Variants in CALN1 observed in about 807,000 individuals in gnomAD.
The protein encoded by CALN1 is calneuron 1, also known as calcium-binding protein 8.
CALN1 carries 17 observed loss-of-function variants against 30.6 expected under a neutral mutation model. The observed-to-expected ratio is 0.56, with a 90% CI of 0.38 to 0.83. The LOEUF (loss-of-function observed/expected upper bound fraction) is 0.83. Ranked by LOEUF, CALN1 falls within the 40% of genes least tolerant of loss-of-function variation. The pLI, the probability that CALN1 is intolerant of heterozygous loss-of-function variation, is 0.00. For missense variants in CALN1, 291 were observed against 354.9 expected (o/e 0.82, Z 1.45); for synonymous variants, 156 against 131.4 (o/e 1.19, Z -1.28).
intron 2 of CALN1, among the ~76,000 whole-genome samples, chr7:72,373,336 T>G (rs1012999171): frequency 1.2e-4 from 18 of 152,178 alleles, no homozygotes; most frequent in African/African-American, 4.1e-4. Context: ...GAAAAAATAT[T>G]TTAAGACATA....
intron 2 of CALN1, among the ~76,000 whole-genome samples, chr7:72,339,001 TAG>T (rs1417158616): frequency 1.5e-5 from 2 of 131,482 alleles, no homozygotes; most frequent in Non-Finnish European, 3.1e-5. Flanking sequence ...TAACCACTGG[TAG>T]ATTCTCTATG....
At chr7:72,322,927 G>A (rs1033646306) in intron 2 of CALN1, among the ~76,000 whole-genome samples, 10 of 149,576 alleles carry the variant, frequency 6.7e-5, no homozygotes, top group African/African-American at 2.5e-4. Flanking sequence ...CTATAAATAT[G>A]TACCCACAAA....
chr7:71,935,543 T>C (rs751923228), intron 5 of CALN1, among the ~76,000 whole-genome samples: 29 of 152,190 alleles, frequency 1.9e-4, no homozygotes, highest in Non-Finnish European at 3.5e-4. Flanking sequence ...GCCAACATGG[T>C]GAAACCCTGT....
rs76098375 is a variant in CALN1 at position 72,309,994 on chromosome 7, C to T, written c.120-31184G>A. 7.0e-3 allele frequency among the ~76,000 whole-genome samples: 1,058 copies of T among 152,216 alleles called. 9 individuals are homozygous for T. Among genetic ancestry groups the T allele is most frequent in the African/African-American group, 0.023 (946 of 41,528 alleles). On this transcript the variant is annotated intron_variant, in intron 2 of 6. Transcript: ENST00000395275. ...GCACTGCACCCTGTTCACATCGGTC[C>T]GCCAGCATCCCCCAGGGATGCCCCC...
At chr7:72,424,185 C>T (rs1403183744) in intron 1 of CALN1, among the ~76,000 whole-genome samples, 1 of 152,108 alleles carries the variant, frequency 6.6e-6, no homozygotes, top group Non-Finnish European at 1.5e-5. Flanking sequence ...CAACCCTGCC[C>T]TCAGTCTCAG....
At chr7:72,134,331 T>C (rs1207646621) in intron 3 of CALN1, among the ~76,000 whole-genome samples, 1 of 152,172 alleles carries the variant, frequency 6.6e-6, no homozygotes, top group African/African-American at 2.4e-5. Context: ...TTATAGCAGC[T>C]CCAAAGGACT....
chr7:72,391,551 T>C (rs995864061), intron 2 of CALN1, among the ~76,000 whole-genome samples: 7 of 152,176 alleles, frequency 4.6e-5, no homozygotes, highest in African/African-American at 7.2e-5. Context: ...AATCTCATCT[T>C]GAATTGTAGC....
chr7:71,816,666 T>G (rs1788280733), intron 5 of CALN1, among the ~76,000 whole-genome samples: 1 of 152,092 alleles, frequency 6.6e-6, no homozygotes, highest in South Asian at 2.1e-4. Context: ...TCTATAGTTT[T>G]GGGCCAGGTG....
chr7:72,487,910 GA>G, the CALN1 span, among the ~76,000 whole-genome samples: 5 of 70,686 alleles, frequency 7.1e-5, no homozygotes, highest in Non-Finnish European at 1.1e-4. Context: ...AAGAAAGAAA[GA>G]AAGAAAGAAG....
At chr7:71,989,678 G>A (rs1215072839) in intron 5 of CALN1, among the ~76,000 whole-genome samples, 1 of 152,108 alleles carries the variant, frequency 6.6e-6, no homozygotes, top group Non-Finnish European at 1.5e-5. Context: ...CCGGGGCGAG[G>A]GTTGGAGGGG....
rs189044894 is a variant in CALN1, at chr7:72,060,996, T to C, written c.389-37227A>G. Among the ~76,000 whole-genome samples, 8 of 152,226 alleles carry C rather than the reference T, an allele frequency of 5.3e-5. No individual in the cohort carries two copies. In the East Asian group the frequency reaches 1.2e-3, roughly 22 times the overall value. On this transcript the variant is annotated intron_variant, in intron 4 of 6. Transcript: ENST00000395275. ...CAACAACTAACTCAATGGGACAAAA[T>C]ACTACACAGCTCCCAGAATGGCCAA...
chr7:72,120,676 G>A (rs559320682), intron 3 of CALN1, among the ~76,000 whole-genome samples: 111 of 152,080 alleles, frequency 7.3e-4, no homozygotes, highest in Non-Finnish European at 1.4e-3. Flanking sequence ...TGAATTTCAG[G>A]CACAGAAATA....
intron 1 of CALN1, among the ~76,000 whole-genome samples, chr7:72,408,100 A>T (rs1366526067): frequency 6.6e-6 from 1 of 152,054 alleles, no homozygotes; most frequent in Non-Finnish European, 1.5e-5. Flanking sequence ...ACACACATTT[A>T]ATCAATGCCA....
the CALN1 span, among the ~76,000 whole-genome samples, chr7:72,486,878 C>T: frequency 6.6e-6 from 1 of 152,114 alleles, no homozygotes; most frequent in Non-Finnish European, 1.5e-5. Flanking sequence ...AATTTATTTT[C>T]ATCAGGTACT....
At chr7:72,264,665 C>G (rs961637413) in intron 3 of CALN1, among the ~76,000 whole-genome samples, 1 of 152,102 alleles carries the variant, frequency 6.6e-6, no homozygotes. Flanking sequence ...CCACACCCAG[C>G]TGATTTTTTG....
intron 2 of CALN1, among the ~76,000 whole-genome samples, chr7:72,310,101 A>G (rs1449626386): frequency 6.6e-6 from 1 of 152,012 alleles, no homozygotes; most frequent in Non-Finnish European, 1.5e-5. Context: ...GGACTTGCTC[A>G]GGAAGGAGGA....
intron 5 of CALN1, among the ~76,000 whole-genome samples, chr7:71,882,089 G>A (rs1792605928): frequency 6.6e-6 from 1 of 151,956 alleles, no homozygotes; most frequent in African/African-American, 2.4e-5. Context: ...TTGGAGGTTA[G>A]AAGTATAAAA....
intron 3 of CALN1, among the ~76,000 whole-genome samples, chr7:72,250,394 G>A (rs561463272): frequency 2.8e-4 from 43 of 152,286 alleles, no homozygotes; most frequent in African/African-American, 9.9e-4. Context: ...ATAGGACCTG[G>A]CAGAGCAGTT....
intron 5 of CALN1, among the ~76,000 whole-genome samples, chr7:71,980,498 A>C (rs1239851896): frequency 1.3e-5 from 2 of 152,054 alleles, no homozygotes. Flanking sequence ...CCAACACATC[A>C]GAATTCTTGA....
Sources: allele counts gnomAD v4.1 joint callset (sites outside exome capture counted in the v4.1 genomes callset), GRCh38; gene constraint gnomAD v4.1.1; transcripts MANE v1.5; gene names NCBI Gene and HGNC (gene_info 2026-07-23, HGNC 2026-07-21).